Variants in EYS observed in about 807,000 individuals in gnomAD.
EYS encodes the protein EGF-like photoreceptor maintenance factor.
Under a neutral mutation model 282.1 loss-of-function variants are expected in EYS, and 250 were observed. The ratio of observed to expected loss-of-function variants is 0.89; its 90% confidence interval spans 0.80 to 0.98. EYS has a LOEUF of 0.98. Ranked by LOEUF, EYS falls within the 50% of genes least tolerant of loss-of-function variation. The pLI is 0.00. For missense variants in EYS, 4,016 were observed against 3,709.0 expected, an observed-to-expected ratio of 1.08 and a Z score of -2.15; for synonymous variants, 1,355 against 1,282.9, an observed-to-expected ratio of 1.06 and a Z score of -1.20.
At chr6:64,890,045 GCC>G (rs34002004) in intron 18 of EYS, among the ~76,000 whole-genome samples, 74,823 of 140,500 alleles carry the variant, frequency 0.53, 20,119 homozygotes, top group Admixed American at 0.58. Context: ...GCCTATAAAT[GCC>G]CCCCCCCCCC....
rs71268364 is a variant in EYS at position 65,142,479 on chromosome 6, AACACACAC to A, written c.2024-84760_2024-84753del. ...CATGATAAATGGAATAGAAATACAAAACACACACACACACACACACACACACACACACA... is the reference window on the plus strand; with the variant it reads ...CATGATAAATGGAATAGAAATACAAAACACACACACACACACACACACACA... On this transcript the variant is annotated intron_variant, in intron 12 of 42. Transcript: ENST00000503581. 2.6e-3 allele frequency among the ~76,000 whole-genome samples: 349 copies of A among 135,000 alleles called. 1 individual carries two copies. The highest frequency in any genetic ancestry group is 8.6e-3 in the African/African-American group (306 of 35,720). The allele number at this position is 135,000 out of a possible 152,430, so 88.6% of individuals were successfully genotyped here.
At chr6:63,859,084 T>TC (rs1772468541) in intron 36 of EYS, among the ~76,000 whole-genome samples, 1 of 39,678 alleles carries the variant, frequency 2.5e-5, no homozygotes. Context: ...AGTTTTTTTT[T>TC]TTTTTTTTTT....
chr6:65,017,232 C>T (rs962139739), intron 13 of EYS, among the ~76,000 whole-genome samples: 2 of 152,114 alleles, frequency 1.3e-5, no homozygotes, highest in South Asian at 4.1e-4. Flanking sequence ...CTTATAGATG[C>T]ATTTTACAAA....
At chr6:63,942,764 C>T (rs1024197434) in intron 35 of EYS, among the ~76,000 whole-genome samples, 1 of 152,076 alleles carries the variant, frequency 6.6e-6, no homozygotes, top group African/African-American at 2.4e-5. Flanking sequence ...TAAAGTTAAA[C>T]TGAATGTGTC....
At chr6:63,826,979 T>G (rs147622897) in intron 36 of EYS, among the ~76,000 whole-genome samples, 1 of 151,736 alleles carries the variant, frequency 6.6e-6, no homozygotes, top group South Asian at 2.1e-4. Context: ...ACTTAAAAGA[T>G]ACAGAACAGC....
chr6:65,405,261 T>C lies in EYS; in HGVS notation c.969A>G (p.Gly323=), dbSNP rs1357308843. The part of the protein sequence containing the change: ...SSAYTYECPK[G]SSSQNGETDV... Reference sequence around the variant, plus strand: ...CAGTTTCACCATTTTGGCTGGAAGATCCTTTTGGGCATTCATAAGTATAAG... The same window carrying C: ...CAGTTTCACCATTTTGGCTGGAAGACCCTTTTGGGCATTCATAAGTATAAG... Residue 323 remains glycine (G), a synonymous_variant, in exon 6 of 43, where the codon GGA becomes GGG. Coordinates refer to ENST00000503581, the MANE Select transcript of EYS (RefSeq NM_001142800.2). 11 of 1,613,230 alleles carry C rather than the reference T, an allele frequency of 6.8e-6. No individual in the cohort carries two copies. The highest frequency in any genetic ancestry group is 8.5e-6 in the Non-Finnish European group (10 of 1,179,554).
rs369316267 is a variant in EYS, at chr6:64,064,741, C to A, written c.6725+1597G>T. 3.3e-5 allele frequency among the ~76,000 whole-genome samples: 5 copies of A among 152,034 alleles called. No individual in the cohort carries two copies. The East Asian group carries it at 9.6e-4, about 29-fold the overall frequency. On this transcript the variant is annotated intron_variant, in intron 33 of 42. Transcript: ENST00000503581. ...ATCATTTCTCTAAGAATTTAACCCCCGAATAGCAATTATTTCATGTATAAC... is the reference window on the plus strand; with the variant it reads ...ATCATTTCTCTAAGAATTTAACCCCAGAATAGCAATTATTTCATGTATAAC...
At chr6:65,385,427 C>T (rs1248418067) in intron 7 of EYS, among the ~76,000 whole-genome samples, 1 of 151,920 alleles carries the variant, frequency 6.6e-6, no homozygotes, top group African/African-American at 2.4e-5. Flanking sequence ...GTTTGAGGCA[C>T]ACAGCTTTGC....
intron 15 of EYS, among the ~76,000 whole-genome samples, chr6:64,918,769 G>A (rs749748924): frequency 1.3e-5 from 2 of 152,120 alleles, no homozygotes; most frequent in Non-Finnish European, 2.9e-5. Context: ...AGATGACAAC[G>A]ATGGAAATAG....
intron 1 of EYS, among the ~76,000 whole-genome samples, chr6:65,698,529 A>T (rs1400154961): frequency 6.6e-6 from 1 of 152,194 alleles, no homozygotes; most frequent in East Asian, 1.9e-4. Context: ...TGCTAAAAAA[A>T]TGAAGAATGC....
At chr6:65,483,837 C>T (rs1765691012) in intron 5 of EYS, among the ~76,000 whole-genome samples, 1 of 152,102 alleles carries the variant, frequency 6.6e-6, no homozygotes, top group South Asian at 2.1e-4. Context: ...CAAGTCACAT[C>T]TTACATGGAT....
intron 12 of EYS, among the ~76,000 whole-genome samples, chr6:65,111,709 TG>T (rs1775217317): frequency 1.3e-5 from 2 of 151,656 alleles, no homozygotes; most frequent in African/African-American, 2.4e-5. Context: ...TAGCCAGGAG[TG>T]GTGGCACATG....
At chr6:64,206,034 G>T (rs1765600589) in intron 31 of EYS, among the ~76,000 whole-genome samples, 1 of 151,978 alleles carries the variant, frequency 6.6e-6, no homozygotes, top group Non-Finnish European at 1.5e-5. Context: ...TAATTTGAAG[G>T]AGTAATTGGT....
At chr6:63,918,433 A>T (rs2149742077) in intron 35 of EYS, among the ~76,000 whole-genome samples, 1 of 152,360 alleles carries the variant, frequency 6.6e-6, no homozygotes, top group African/African-American at 2.4e-5. Flanking sequence ...CCATAGATGA[A>T]AATTGCATTT....
intron 22 of EYS, among the ~76,000 whole-genome samples, chr6:64,793,295 A>G (rs1261526928): frequency 3.3e-5 from 5 of 152,162 alleles, no homozygotes; most frequent in African/African-American, 7.2e-5. Flanking sequence ...TGGGTAAATT[A>G]TATGCTATAA....
chr6:65,423,849 G>A (rs10944798), intron 5 of EYS, among the ~76,000 whole-genome samples: 43,671 of 151,538 alleles, frequency 0.29, 6,350 homozygotes, highest in Middle Eastern at 0.35. Flanking sequence ...TAATTGCCCT[G>A]CTATAAGTGA....
chr6:65,166,436 T>C (rs539563001), intron 12 of EYS, among the ~76,000 whole-genome samples: 2 of 151,194 alleles, frequency 1.3e-5, no homozygotes, highest in African/African-American at 2.4e-5. Flanking sequence ...CTCACATTTA[T>C]GGTCAAGTAA....
intron 36 of EYS, 79 bp downstream of exon 36, chr6:63,864,107 C>T (rs1772613233): frequency 1.0e-5 from 13 of 1,286,568 alleles, no homozygotes; most frequent in Non-Finnish European, 1.3e-5. Context: ...CAAGTGCTAT[C>T]CTTGATTCAT....
At chr6:65,076,968 G>A (rs893495395) in intron 12 of EYS, among the ~76,000 whole-genome samples, 14 of 152,024 alleles carry the variant, frequency 9.2e-5, no homozygotes, top group African/African-American at 3.4e-4. Flanking sequence ...TAGGAAATCA[G>A]AAAACAGGGG....
Sources: allele counts gnomAD v4.1 joint callset (sites outside exome capture counted in the v4.1 genomes callset), GRCh38; gene constraint gnomAD v4.1.1; transcripts MANE v1.5; gene names NCBI Gene and HGNC (gene_info 2026-07-23, HGNC 2026-07-21).